Variants in LAMB1 observed in about 807,000 individuals in gnomAD.
The protein encoded by LAMB1 is laminin subunit beta 1, also known as laminin subunit beta-1.
Under a neutral mutation model 222.3 loss-of-function variants are expected in LAMB1, and 121 were observed. The observed-to-expected ratio is 0.54, with a 90% CI of 0.47 to 0.63. The LOEUF is 0.63. LAMB1 is among the 30% of genes least tolerant of loss of function. The pLI, the probability that LAMB1 is intolerant of heterozygous loss-of-function variation, is 0.00. For synonymous variants in LAMB1, 794 were observed against 807.2 expected (o/e 0.98, Z 0.28); for missense variants, 2,172 against 2,240.8 (o/e 0.97, Z 0.62).
intron 24 of LAMB1, chr7:107,942,791 T>C (rs1162634868): frequency 6.6e-6 from 1 of 152,224 alleles, no homozygotes; most frequent in African/African-American, 2.4e-5. Context: ...GAGTGATGCT[T>C]GATCGTATTT....
chr7:107,926,772 A>AAAT (rs1420306958), intron 31 of LAMB1, among the ~76,000 whole-genome samples: 3 of 152,208 alleles, frequency 2.0e-5, no homozygotes, highest in South Asian at 4.1e-4. Context: ...GTGAGTGGGA[A>AAAT]AATAAATGTT....
At chr7:107,970,848 T>A (rs2033734724) in intron 13 of LAMB1, among the ~76,000 whole-genome samples, 1 of 152,072 alleles carries the variant, frequency 6.6e-6, no homozygotes, top group Admixed American at 6.5e-5. Context: ...TCTCCCTGCC[T>A]CAGCCTCCCA....
chr7:107,956,473 C>A (rs2033379425), intron 20 of LAMB1, among the ~76,000 whole-genome samples: 2 of 152,218 alleles, frequency 1.3e-5, no homozygotes, highest in African/African-American at 4.8e-5. Context: ...GAGTGACACC[C>A]ATGGCTTCAT....
intron 20 of LAMB1, among the ~76,000 whole-genome samples, chr7:107,955,982 C>T (rs149753964): frequency 3.7e-4 from 57 of 152,312 alleles, no homozygotes; most frequent in African/African-American, 1.3e-3. Context: ...GCTGCAACCT[C>T]CACCTCCTGG....
chr7:107,983,547 CT>C lies in LAMB1; in HGVS notation c.676+2474del, dbSNP rs11458116. ...TCCAGGACTTTGTGACTCCAAAGCC[CT>C]TTTTTTTTTTTTTTTTTTTTTTGAG... On this transcript the variant is annotated intron_variant, in intron 7 of 33. Coordinates refer to ENST00000222399, the MANE Select transcript of LAMB1 (RefSeq NM_002291.3). Among the ~76,000 whole-genome samples, 812 of 111,126 alleles carry C rather than the reference CT, an allele frequency of 7.3e-3. 4 individuals are homozygous for C. The highest frequency in any genetic ancestry group is 0.025 in the Admixed American group (229 of 9,254). The allele number at this position is 111,126 out of a possible 152,430, so 72.9% of individuals were successfully genotyped here.
chr7:107,994,331 C>T (rs1327217038), intron 5 of LAMB1, among the ~76,000 whole-genome samples: 1 of 152,184 alleles, frequency 6.6e-6, no homozygotes, highest in Non-Finnish European at 1.5e-5. Flanking sequence ...TCTTAAGGAA[C>T]TGTAAAACTG....
At chr7:107,958,294 A>G (rs1173316556) in intron 20 of LAMB1, among the ~76,000 whole-genome samples, 2 of 152,192 alleles carry the variant, frequency 1.3e-5, no homozygotes, top group Non-Finnish European at 2.9e-5. Context: ...GATAATTTTT[A>G]TTCAAAGGGT....
chr7:108,000,318 C>T (rs1374475345), intron 3 of LAMB1, among the ~76,000 whole-genome samples: 1 of 152,166 alleles, frequency 6.6e-6, no homozygotes, highest in Non-Finnish European at 1.5e-5. Context: ...TACCACATTC[C>T]TTTGGTCTAA....
chr7:107,982,869 T>C (rs1376685164), intron 7 of LAMB1, among the ~76,000 whole-genome samples: 1 of 152,144 alleles, frequency 6.6e-6, no homozygotes, highest in Non-Finnish European at 1.5e-5. Context: ...CATGCTTCCG[T>C]AACATAGAAA....
intron 14 of LAMB1, among the ~76,000 whole-genome samples, chr7:107,964,167 C>T (rs1197062984): frequency 6.6e-6 from 1 of 152,194 alleles, no homozygotes; most frequent in Non-Finnish European, 1.5e-5. Flanking sequence ...GCTGTTTCAG[C>T]CACCCCAGCT....
At chr7:107,951,859 AC>A (rs756597143) in intron 23 of LAMB1, 149 bp downstream of exon 23, 2 of 661,852 alleles carry the variant, frequency 3.0e-6, no homozygotes, top group Non-Finnish European at 5.3e-6. Flanking sequence ...AGTTATGTAG[AC>A]CCAGCCAAGG....
intron 24 of LAMB1, among the ~76,000 whole-genome samples, chr7:107,950,004 G>C (rs1332542015): frequency 3.9e-5 from 6 of 152,260 alleles, no homozygotes; most frequent in African/African-American, 1.4e-4. Flanking sequence ...GGCCGAGGCG[G>C]GTGAATCATG....
In LAMB1 at chr7:107,924,382, T is replaced by C; in HGVS notation, c.5072A>G (p.Asp1691Gly). The C allele has an allele frequency of 6.2e-7, 1 of 1,604,608 alleles. No individual in the cohort carries two copies. The highest frequency in any genetic ancestry group is 2.2e-5 in the East Asian group (1 of 44,772). ...QSAEDVKKTLDGELDEKYKKV... is the reference protein window; with the variant it reads ...QSAEDVKKTLGGELDEKYKKV... ...TTTATACTTTTCATCAAGTTCACCATCTAAAGTCTATAGTTCCACATTTAG... is the reference window on the plus strand; with the variant it reads ...TTTATACTTTTCATCAAGTTCACCACCTAAAGTCTATAGTTCCACATTTAG... Residue 1691 changes from aspartate to glycine, a missense_variant, in exon 33 of 34, where the codon GAT (aspartate) becomes GGT (glycine). Coordinates refer to ENST00000222399, the MANE Select transcript of LAMB1 (RefSeq NM_002291.3).
At chr7:107,987,280 A>T (rs1414995054) in intron 5 of LAMB1, among the ~76,000 whole-genome samples, 1 of 152,216 alleles carries the variant, frequency 6.6e-6, no homozygotes, top group Admixed American at 6.5e-5. Context: ...GTTGATTAGC[A>T]GTTACCAGGG....
Position 107,980,730 on chromosome 7 carries a change from T to G in LAMB1, c.758A>C (p.Glu253Ala). Residue 253 changes from glutamate (E) to alanine (A), a missense_variant, in exon 8 of 34, where the codon GAA (glutamate) becomes GCA (alanine). Physicochemically the swap from Glu to Ala is moderately radical, Grantham distance 107. Transcript: ENST00000222399. The stretch of plus-strand genomic sequence containing the variant: ...TGCATAATAATACTTTTCTCTGATT[T>G]CCATCCTGGAATCCAGAAGGTTATC... ...LGDNLLDSRMEIREKYYYAVY... is the reference protein window; with the variant it reads ...LGDNLLDSRMAIREKYYYAVY... The G allele has an allele frequency of 6.2e-7, 1 of 1,613,602 alleles. No homozygotes were observed.
rs747409509 is a variant in LAMB1 at position 107,978,068 on chromosome 7, G to A, written c.979C>T (p.Arg327Ter). Reference sequence around the variant, plus strand: ...TTACTTTTACAGGCGTTGCTGTTTCGGCCTTCAGCAGGTCTCCAAGGTAAA... The same window carrying A: ...TTACTTTTACAGGCGTTGCTGTTTCAGCCTTCAGCAGGTCTCCAAGGTAAA... ...HDLPWRPAEG[R>*]NSNACKKCNC... Residue 327 changes from arginine to a stop codon, truncating the protein, a stop_gained, in exon 9 of 34, where the codon CGA (arginine) becomes TGA (stop). Transcript: ENST00000222399. LOFTEE classifies it high-confidence loss of function. The A allele has an allele frequency of 2.1e-5, 34 of 1,613,918 alleles. No homozygotes were observed. The Admixed American group carries it at 4.5e-4, about 21-fold the overall frequency.
At chr7:107,996,988 T>C (rs960981036) in intron 4 of LAMB1, among the ~76,000 whole-genome samples, 2 of 152,352 alleles carry the variant, frequency 1.3e-5, no homozygotes, top group South Asian at 2.1e-4. Flanking sequence ...AACCAAAATA[T>C]GCCCCCGTAA....
Position 107,937,108 on chromosome 7 carries a change from T to C in LAMB1, c.3931A>G (p.Asn1311Asp). The C allele has an allele frequency of 6.2e-7, 1 of 1,613,806 alleles. No homozygotes were observed. Among genetic ancestry groups the C allele is most frequent in the Non-Finnish European group, 8.5e-7 (1 of 1,179,872 alleles). ...ELAEQLEFIK[N>D]SDIRGALDSI... Reference sequence around the variant, plus strand: ...AAATGCTCACCCCGAATATCTGAGTTTTTGATAAATTCCAGTTGTTCAGCA... The same window carrying C: ...AAATGCTCACCCCGAATATCTGAGTCTTTGATAAATTCCAGTTGTTCAGCA... Residue 1311 changes from asparagine (N) to aspartate (D), a missense_variant, in exon 26 of 34, where the codon AAC becomes GAC. Physicochemically the swap from Asn to Asp is conservative, Grantham distance 23 (BLOSUM62 1). Transcript: ENST00000222399.
At chr7:107,965,377 C>T (rs755313050) in intron 13 of LAMB1, among the ~76,000 whole-genome samples, 2 of 152,038 alleles carry the variant, frequency 1.3e-5, no homozygotes, top group Non-Finnish European at 1.5e-5. Flanking sequence ...GTTGGGAGTT[C>T]GAGACCAGCC....
Sources: gnomAD v4.1 joint callset for allele counts (sites outside exome capture counted in the v4.1 genomes callset) on GRCh38, gnomAD v4.1.1 for gene constraint, MANE v1.5 for transcripts, NCBI Gene and HGNC (gene_info 2026-07-23, HGNC 2026-07-21) for gene names.